The following LGR6 variants were observed in gnomAD, a reference collection of about 807,000 sequenced individuals.
LGR6 encodes leucine rich repeat containing G protein-coupled receptor 6.
Under a neutral mutation model 69.4 loss-of-function variants are expected in LGR6, and 45 were observed. The observed-to-expected ratio is 0.65, with a 90% CI of 0.51 to 0.83. The LOEUF is 0.83. Among genes scored for constraint, LGR6 ranks in the 40% least tolerant of loss-of-function variants. The pLI is 0.00. For missense variants in LGR6, 1,108 were observed against 1,246.7 expected (o/e 0.89, Z 1.68); for synonymous variants, 538 against 555.0 (o/e 0.97, Z 0.43).
At chr1:202,236,310 C>A (rs570129881) in intron 4 of LGR6, 17 of 377,756 alleles carry the variant, frequency 4.5e-5, no homozygotes, top group Non-Finnish European at 6.7e-5. Flanking sequence ...GCCATTGGAG[C>A]CTGGGTTTAG....
intron 4 of LGR6, among the ~76,000 whole-genome samples, chr1:202,248,451 C>CG (rs1558034471): frequency 6.7e-6 from 1 of 149,090 alleles, no homozygotes; most frequent in Non-Finnish European, 1.5e-5. Context: ...TGACCCCATC[C>CG]GGGGGACTCT....
chr1:202,309,218 G>T, intron 15 of LGR6, 42 bp downstream of exon 15: 1 of 1,609,210 alleles, frequency 6.2e-7, no homozygotes, highest in South Asian at 1.1e-5. Context: ...AGGCCAGCTG[G>T]AGACCCTGGA....
intron 1 of LGR6, among the ~76,000 whole-genome samples, chr1:202,194,901 C>G (rs1239443111): frequency 6.6e-6 from 1 of 152,192 alleles, no homozygotes; most frequent in African/African-American, 2.4e-5. Flanking sequence ...AACCAGAGAA[C>G]CATTTTTAGC....
chr1:202,205,493 ACAC>A (rs1659167212), intron 1 of LGR6, among the ~76,000 whole-genome samples: 1 of 8,178 alleles, frequency 1.2e-4, no homozygotes, highest in Non-Finnish European at 3.0e-4. Flanking sequence ...AAACACACAC[ACAC>A]CCTGCTTCAA....
Position 202,314,888 on chromosome 1 carries a change from G to A in LGR6, c.1648+6G>A, listed in dbSNP as rs1654026322. ...CCAGTGTAGCCCTACTCCAGGTGAG[G>A]TGGTGTCTGGGGAATGGGGACGAGG... On this transcript the variant is annotated splice_donor_region_variant and intron_variant, in intron 17 of 17. Coordinates refer to ENST00000367278, the MANE Select transcript of LGR6 (RefSeq NM_001017403.2). 1 of 1,610,808 alleles carries A rather than the reference G, an allele frequency of 6.2e-7. No individual in the cohort carries two copies. Among genetic ancestry groups the A allele is most frequent in the Admixed American group, 1.7e-5 (1 of 60,024 alleles).
chr1:202,259,943 C>G (rs1043325026), intron 4 of LGR6, among the ~76,000 whole-genome samples: 4 of 152,260 alleles, frequency 2.6e-5, no homozygotes, highest in Admixed American at 2.6e-4. Flanking sequence ...TGTCCAATGC[C>G]TCAAACCTGT....
rs752872877 is a variant in LGR6 at position 202,297,471 on chromosome 1, G to A, written c.717-37G>A. ...CAGGGACCCTGACATGCCCCATTAA[G>A]CCTTTGCCCTAATGACTGCTCTGCT... On this transcript the variant is annotated intron_variant, in intron 6 of 17. Transcript: ENST00000367278. The A allele has an allele frequency of 2.5e-6, 4 of 1,577,230 alleles. No individual in the cohort carries two copies. The South Asian group carries it at 4.5e-5, about 18-fold the overall frequency.
In LGR6 at chr1:202,282,212, A is replaced by G. The variant is rs916228793; in HGVS notation, c.716+1360A>G. Among the ~76,000 whole-genome samples, 8 of 152,176 alleles carry G rather than the reference A, an allele frequency of 5.3e-5. No individual in the cohort carries two copies. In the South Asian group the frequency reaches 1.7e-3, roughly 32 times the overall value. On this transcript the variant is annotated intron_variant, in intron 6 of 17. Transcript: ENST00000367278. ...TGCCACTGTGCGTGACTTGGGCTAC[A>G]TGTTCCTCCCTCTCTAGCTGTCATA...
intron 4 of LGR6, among the ~76,000 whole-genome samples, chr1:202,260,467 A>G (rs1005318232): frequency 1.3e-5 from 2 of 151,992 alleles, no homozygotes; most frequent in Admixed American, 1.3e-4. Context: ...CCAAGTAGCT[A>G]GGACTACAGG....
intron 4 of LGR6, among the ~76,000 whole-genome samples, chr1:202,275,159 A>T (rs1392040625): frequency 2.0e-5 from 3 of 152,216 alleles, no homozygotes; most frequent in Non-Finnish European, 4.4e-5. Context: ...ATGGAGCTGT[A>T]GGGCCTTTGT....
chr1:202,250,093 G>A (rs1055479907), intron 4 of LGR6, among the ~76,000 whole-genome samples: 6 of 152,148 alleles, frequency 3.9e-5, no homozygotes, highest in African/African-American at 9.7e-5. Context: ...TCTCTTGGGC[G>A]TGCAGCCTGT....
intron 1 of LGR6, among the ~76,000 whole-genome samples, chr1:202,223,204 C>A (rs984898972): frequency 2.0e-5 from 3 of 152,174 alleles, no homozygotes; most frequent in Non-Finnish European, 4.4e-5. Flanking sequence ...ATTTCTAGAC[C>A]GGCAAGCCCA....
chr1:202,253,898 C>G (rs1363918473), intron 4 of LGR6, among the ~76,000 whole-genome samples: 1 of 129,846 alleles, frequency 7.7e-6, no homozygotes, highest in Non-Finnish European at 1.6e-5. Flanking sequence ...CTCCGCCTCC[C>G]GGGTTCACGC....
Position 202,225,493 on chromosome 1 carries a change from C to G in LGR6, c.283C>G (p.Leu95Val). ...LFHHLRFLEE[L>V]RLSGNHLSHI... ...CCACCACCTGCGCTTCTTGGAGGAG[C>G]TGTGAGTAGATGCTTTGCAGGGTGG... Residue 95 changes from leucine to valine, a missense_variant and splice_region_variant, in exon 2 of 18, where the codon CTG becomes GTG. Coordinates refer to ENST00000367278, the MANE Select transcript of LGR6 (RefSeq NM_001017403.2). 1.2e-6 allele frequency: 2 copies of G among 1,613,304 alleles called. No homozygotes were observed. Among genetic ancestry groups the G allele is most frequent in the Non-Finnish European group, 1.7e-6 (2 of 1,179,332 alleles).
intron 4 of LGR6, among the ~76,000 whole-genome samples, chr1:202,236,536 G>C (rs1057018015): frequency 1.3e-5 from 2 of 152,190 alleles, no homozygotes; most frequent in African/African-American, 4.8e-5. Flanking sequence ...TGTCCAGCAG[G>C]GGCATCGTGG....
chr1:202,205,049 T>C (rs1184047754), intron 1 of LGR6, among the ~76,000 whole-genome samples: 36 of 68,034 alleles, frequency 5.3e-4, no homozygotes, highest in Admixed American at 8.3e-4. Flanking sequence ...CACACACACC[T>C]CCAAACACAC....
intron 1 of LGR6, among the ~76,000 whole-genome samples, chr1:202,196,110 T>C (rs1432959452): frequency 2.0e-5 from 3 of 150,984 alleles, no homozygotes; most frequent in African/African-American, 7.3e-5. Flanking sequence ...AGAGAGGGAG[T>C]GGGAGCTATA....
Position 202,318,861 on chromosome 1 carries a change from A to T in LGR6, c.2558A>T (p.Tyr853Phe). 1 of 1,613,754 alleles carries T rather than the reference A, an allele frequency of 6.2e-7. No individual in the cohort carries two copies. Among genetic ancestry groups the T allele is most frequent in the Non-Finnish European group, 8.5e-7 (1 of 1,179,872 alleles). ...PRAGDSGPLA[Y>F]AAAGELEKSS... ...GCAGGGGACTCAGGGCCCCTAGCCT[A>T]TGCTGCGGCCGGGGAGCTGGAGAAG... Residue 853 changes from tyrosine (Y) to phenylalanine (F), a missense_variant, in exon 18 of 18, where the codon TAT (tyrosine) becomes TTT (phenylalanine). Tyr to Phe is a conservative substitution (Grantham distance 22). Coordinates refer to ENST00000367278, the MANE Select transcript of LGR6 (RefSeq NM_001017403.2).
rs530878932 is a variant in LGR6 at position 202,218,686 on chromosome 1, C to A, written c.213-6737C>A. On this transcript the variant is annotated intron_variant, in intron 1 of 17. Coordinates refer to ENST00000367278, the MANE Select transcript of LGR6 (RefSeq NM_001017403.2). ...AACATGAGGTGCTCTCTGGTGCTTT[C>A]CTCTCTGAACTCAGTTCTGTGGGTT... Among the ~76,000 whole-genome samples, 9 of 152,262 alleles carry A rather than the reference C, an allele frequency of 5.9e-5. No individual in the cohort carries two copies. The South Asian group carries it at 1.9e-3, about 32-fold the overall frequency.
Sources: gnomAD v4.1 joint callset for allele counts (sites outside exome capture counted in the v4.1 genomes callset) on GRCh38, gnomAD v4.1.1 for gene constraint, MANE v1.5 for transcripts, NCBI Gene and HGNC (gene_info 2026-07-23, HGNC 2026-07-21) for gene names.